The following ECT2 variants were observed in gnomAD, a reference collection of about 807,000 sequenced individuals.
ECT2 encodes epithelial cell transforming 2.
A neutral mutation model predicts 116.9 loss-of-function variants in ECT2; 61 were observed. The ratio of observed to expected loss-of-function variants is 0.52; its 90% CI spans 0.42 to 0.65. The LOEUF is 0.65. ECT2 is among the 30% of genes least tolerant of loss of function. The pLI is 0.00. For synonymous variants in ECT2, 358 were observed against 346.4 expected, an observed-to-expected ratio of 1.03 and a Z score of -0.37; for missense variants, 937 against 1,078.7, an observed-to-expected ratio of 0.87 and a Z score of 1.84.
intron 8 of ECT2, 52 bp from the exon 9 acceptor site, chr3:172,762,364 A>G (rs1201870371): frequency 6.5e-7 from 1 of 1,529,002 alleles, no homozygotes; most frequent in East Asian, 2.3e-5. Context: ...TGATATACCT[A>G]ACACTTGAAT....
intron 14 of ECT2, among the ~76,000 whole-genome samples, chr3:172,775,630 GT>G (rs1008515041): frequency 1.7e-4 from 26 of 150,148 alleles, no homozygotes; most frequent in African/African-American, 6.2e-4. Flanking sequence ...GGTTTTGTGG[GT>G]TTTTTTCTTT....
chr3:172,767,231 A>C (rs1417951624), intron 12 of ECT2, among the ~76,000 whole-genome samples: 1 of 152,214 alleles, frequency 6.6e-6, no homozygotes, highest in Admixed American at 6.5e-5. Context: ...TCACGAGTTC[A>C]GGAGTTCGAG....
chr3:172,786,780 A>G lies in ECT2; in HGVS notation c.1907+206A>G, dbSNP rs542280605. Among the ~76,000 whole-genome samples the G allele has an allele frequency of 1.5e-3, 221 of 152,304 alleles. 2 individuals carry two copies. The highest frequency in any genetic ancestry group is 5.0e-3 in the African/African-American group (207 of 41,568). The stretch of plus-strand genomic sequence containing the variant: ...ACATTTATTTCTAAGCTATTAAACT[A>G]TTGTGCACAGAGAATAATAGTTTAG... On this transcript the variant is annotated intron_variant, in intron 18 of 24. Coordinates refer to ENST00000392692, the MANE Select transcript of ECT2 (RefSeq NM_001258315.2).
At position 172,802,951 on chromosome 3, in the gene ECT2, ACT is replaced by A. The variant is rs1002367418; in HGVS notation, c.2082_2083del (p.Phe695ProfsTer4). 2 of 1,612,590 alleles carry A rather than the reference ACT, an allele frequency of 1.2e-6. No homozygotes were observed. Among genetic ancestry groups the A allele is most frequent in the African/African-American group, 1.3e-5 (1 of 74,952 alleles). On this transcript the variant is annotated frameshift_variant, in exon 20 of 25. Coordinates refer to ENST00000392692, the MANE Select transcript of ECT2 (RefSeq NM_001258315.2). LOFTEE classifies it high-confidence loss of function. ...EHPCDRGEQVTLFLFNDCLEI... is the reference protein window; with the variant it reads ...EHPCDRGEQVXLFLFNDCLEI... ...CCCCTGTGACAGAGGAGAACAAGTA[ACT>A]CTCTTCCTCTTCAATGATTGCCTAG...
rs1259463116 is a variant in ECT2, at chr3:172,759,033, A to G, written c.540A>G (p.Val180=). ...PLYCTSMMNL[V]LCFTGFRKKE... ...ATTGTACAAGTATGATGAATCTAGT[A>G]CTATGCTTTACTGGATTTAGGAAAA... is the stretch of plus-strand genomic sequence containing the variant. The change falls in exon 6 of 25, where the codon GTA becomes GTG. Residue 180 remains valine (V), a synonymous_variant. Transcript: ENST00000392692. 8.1e-6 allele frequency: 13 copies of G among 1,609,516 alleles called. No homozygotes were observed. Among genetic ancestry groups the G allele is most frequent in the Non-Finnish European group, 1.1e-5 (13 of 1,178,822 alleles).
rs896180667 is a variant in ECT2 at position 172,782,178 on chromosome 3, C to T, written c.1564C>T (p.Leu522Phe). 1.3e-6 allele frequency: 2 copies of T among 1,576,132 alleles called. No homozygotes were observed. The highest frequency in any genetic ancestry group is 1.8e-5 in the Admixed American group (1 of 56,724). Residue 522 changes from leucine (L) to phenylalanine (F), a missense_variant, in exon 15 of 25, where the codon CTT becomes TTT. Leu to Phe is a conservative substitution (Grantham distance 22). Transcript: ENST00000392692. ...GCTATTTCAGGATGATCTTGAAGAC[C>T]TTATAGTTAATTGGGATGAGAGCAA... ...HTKIKDDLED[L>F]IVNWDESKSI... is the part of the protein sequence containing the mutation.
chr3:172,824,505 A>G (rs1040345234), downstream of ECT2, among the ~76,000 whole-genome samples: 3 of 152,216 alleles, frequency 2.0e-5, no homozygotes, highest in East Asian at 1.9e-4. Context: ...CCATGATCCA[A>G]TTACCTCCCA....
chr3:172,764,626 TAGAGA>T lies in ECT2; in HGVS notation c.1291+128_1291+132del, dbSNP rs1576867889. On this transcript the variant is annotated intron_variant, in intron 12 of 24. Coordinates refer to ENST00000392692, the MANE Select transcript of ECT2 (RefSeq NM_001258315.2). ...CCTTTAATTACCTTTGTTCTAGCTGTAGAGAAAAGACACATGAATAGTTAAGCTTA... is the reference window on the plus strand; with the variant it reads ...CCTTTAATTACCTTTGTTCTAGCTGTAAAGACACATGAATAGTTAAGCTTA... The T allele has an allele frequency of 1.5e-5, 13 of 841,998 alleles. No homozygotes were observed. In the East Asian group the frequency reaches 2.4e-4, roughly 15 times the overall value. The allele number at this position is 841,998 out of a possible 1,614,324, so 52.2% of individuals were successfully genotyped here. A position where few individuals can be genotyped will look rare whatever the true frequency, so the allele number is the denominator to read the frequency against.
At chr3:172,754,256 G>A (rs2108352740) in intron 1 of ECT2, among the ~76,000 whole-genome samples, 1 of 152,196 alleles carries the variant, frequency 6.6e-6, no homozygotes, top group East Asian at 1.9e-4. Flanking sequence ...TTGAGTGTTT[G>A]TTGTATGTCT....
chr3:172,751,287 A>G (rs951663319), intron 1 of ECT2, among the ~76,000 whole-genome samples: 1 of 152,192 alleles, frequency 6.6e-6, no homozygotes, highest in African/African-American at 2.4e-5. Flanking sequence ...TTTTTGCAAG[A>G]TAAATCCAGG....
At chr3:172,807,246 A>G (rs1435059026) in intron 21 of ECT2, among the ~76,000 whole-genome samples, 1 of 152,214 alleles carries the variant, frequency 6.6e-6, no homozygotes. Flanking sequence ...TGTTTAGGGA[A>G]TGATGACAAG....
intron 18 of ECT2, 92 bp downstream of exon 18, chr3:172,786,666 C>A (rs1723660227): frequency 3.7e-6 from 3 of 815,314 alleles, no homozygotes; most frequent in Admixed American, 5.2e-5. Context: ...ATATCAATAG[C>A]AAATTTTTGT....
At chr3:172,827,682 TTAGA>T in the ECT2 span, among the ~76,000 whole-genome samples, 1 of 152,072 alleles carries the variant, frequency 6.6e-6, no homozygotes, top group Non-Finnish European at 1.5e-5. Context: ...AAAGATACAG[TTAGA>T]TAGAAGGAAA....
intron 14 of ECT2, among the ~76,000 whole-genome samples, chr3:172,778,129 G>A (rs538090330): frequency 8.5e-5 from 13 of 152,248 alleles, no homozygotes; most frequent in African/African-American, 3.1e-4. Flanking sequence ...ATCTTAACAA[G>A]GAAGAAAAGA....
At chr3:172,776,167 G>T (rs1210844509) in intron 14 of ECT2, among the ~76,000 whole-genome samples, 1 of 145,774 alleles carries the variant, frequency 6.9e-6, no homozygotes, top group East Asian at 2.0e-4. Flanking sequence ...TTTGTAAAAT[G>T]GTACTTCAAC....
chr3:172,824,556 G>A (rs763730379), downstream of ECT2, among the ~76,000 whole-genome samples: 1 of 152,154 alleles, frequency 6.6e-6, no homozygotes, highest in Non-Finnish European at 1.5e-5. Flanking sequence ...ATTTCAACAT[G>A]AGATTTGGGC....
At chr3:172,777,614 C>G (rs1361964443) in intron 14 of ECT2, among the ~76,000 whole-genome samples, 1 of 152,138 alleles carries the variant, frequency 6.6e-6, no homozygotes, top group Non-Finnish European at 1.5e-5. Flanking sequence ...ATTTTCTGCT[C>G]TTAGCTTGGC....
chr3:172,778,527 A>C (rs1408387689), intron 14 of ECT2, among the ~76,000 whole-genome samples: 2 of 151,772 alleles, frequency 1.3e-5, no homozygotes, highest in African/African-American at 2.4e-5. Flanking sequence ...ATTTGAGGAA[A>C]GTTACTTAAT....
intron 18 of ECT2, among the ~76,000 whole-genome samples, chr3:172,791,424 G>GT (rs537647576): frequency 5.6e-4 from 85 of 152,308 alleles, no homozygotes; most frequent in African/African-American, 2.0e-3. Flanking sequence ...CTGGAAGGCT[G>GT]TTTTGTCTAC....
Sources: allele counts gnomAD v4.1 joint callset (sites outside exome capture counted in the v4.1 genomes callset), GRCh38; gene constraint gnomAD v4.1.1; transcripts MANE v1.5; gene names NCBI Gene and HGNC (gene_info 2026-07-23, HGNC 2026-07-21).